The following ZNF84 variants were observed in gnomAD, a reference collection of about 807,000 sequenced individuals.
The protein encoded by ZNF84 is zinc finger protein HPF2.
A neutral mutation model predicts 14.8 loss-of-function variants in ZNF84; 12 were observed. That is an observed-to-expected ratio of 0.81 (90% CI 0.52 to 1.31). The LOEUF (loss-of-function observed/expected upper bound fraction) is 1.31, where lower values mean the gene tolerates loss of function less well. ZNF84 is among the 50% of genes most tolerant of loss of function. The pLI is 0.00. For synonymous variants in ZNF84, 347 were observed against 291.1 expected (o/e 1.19, Z -1.96); for missense variants, 859 against 878.6 (o/e 0.98, Z 0.28).
chr12:133,040,690 C>T (rs1404035389), intron 1 of ZNF84: 5 of 151,552 alleles, frequency 3.3e-5, no homozygotes, highest in African/African-American at 1.2e-4. Flanking sequence ...TTTTTTAAAA[C>T]CCCTATTTAA....
chr12:133,047,090 C>T (rs1953995932), intron 2 of ZNF84, among the ~76,000 whole-genome samples: 1 of 151,332 alleles, frequency 6.6e-6, no homozygotes, highest in African/African-American at 2.4e-5. Flanking sequence ...TGTGAGCCAC[C>T]TTGCCTATCC....
intron 3 of ZNF84, 120 bp from the exon 4 acceptor site, chr12:133,048,633 A>G: frequency 4.6e-6 from 3 of 645,516 alleles, no homozygotes; most frequent in African/African-American, 1.8e-5. Context: ...TTTGAGAATT[A>G]CTTACTCTGT....
chr12:133,054,674 CAT>C lies in ZNF84; in HGVS notation c.239-2278_239-2277del, dbSNP rs758968582. The stretch of plus-strand genomic sequence containing the variant: ...TTAACTTGATTTAATCATTTTACAA[CAT>C]AAACATATATCAAAATATTACACTG... On this transcript the variant is annotated intron_variant, in intron 4 of 4. Transcript: ENST00000539354. Among the ~76,000 whole-genome samples, 294 of 148,070 alleles carry C rather than the reference CAT, an allele frequency of 2.0e-3. 1 individual carries two copies. Among genetic ancestry groups the C allele is most frequent in the Admixed American group, 8.0e-3 (118 of 14,690 alleles).
chr12:133,061,709 G>A lies in ZNF84; in HGVS notation c.*2777G>A, dbSNP rs1954267777. On this transcript the variant is annotated 3_prime_UTR_variant, in exon 5 of 5. Transcript: ENST00000539354. ...GTTAAACCTGATACTTCCTACACTA[G>A]ATAATGGAACTTCAACATTAGCCTA... The A allele has an allele frequency of 6.6e-6, 1 of 152,068 alleles. No homozygotes were observed. Among genetic ancestry groups the A allele is most frequent in the Admixed American group, 6.6e-5 (1 of 15,264 alleles). The allele number at this position is 152,068 out of a possible 1,614,324, so 9.4% of individuals were successfully genotyped here.
rs1954263265 is a variant in ZNF84 at position 133,061,482 on chromosome 12, A to C, written c.*2550A>C. On this transcript the variant is annotated 3_prime_UTR_variant, in exon 5 of 5. Transcript: ENST00000539354. ...TCTGTCAAAAAAAGAAAAGAAAAAGAACTTCCTACTTTTTAATATCTCAAA... is the reference window on the plus strand; with the variant it reads ...TCTGTCAAAAAAAGAAAAGAAAAAGCACTTCCTACTTTTTAATATCTCAAA... The C allele has an allele frequency of 6.6e-6, 1 of 152,172 alleles. No individual in the cohort carries two copies. Among genetic ancestry groups the C allele is most frequent in the African/African-American group, 2.4e-5 (1 of 41,450 alleles). The allele number at this position is 152,172 out of a possible 1,614,324, so 9.4% of individuals were successfully genotyped here.
intron 4 of ZNF84, among the ~76,000 whole-genome samples, chr12:133,051,202 C>T (rs1270556602): frequency 6.6e-6 from 1 of 151,818 alleles, no homozygotes; most frequent in African/African-American, 2.4e-5. Flanking sequence ...GAGATCCACT[C>T]ACCTAGTGGG....
Position 133,057,066 on chromosome 12 carries a change from C to A in ZNF84, c.351C>A (p.Asn117Lys). The A allele has an allele frequency of 2.5e-6, 4 of 1,613,384 alleles. No individual in the cohort carries two copies. In the South Asian group the frequency reaches 4.4e-5, roughly 18 times the overall value. The change falls in exon 5 of 5, where the codon AAC (asparagine) becomes AAA (lysine). Residue 117 changes from asparagine (N) to lysine (K), a missense_variant. Transcript: ENST00000539354. ...CATTTGGAAAAAATTTCAATCTGAACATGAACTTTGTTCCTTTAAGGAAAT... is the reference window on the plus strand; with the variant it reads ...CATTTGGAAAAAATTTCAATCTGAAAATGAACTTTGTTCCTTTAAGGAAAT... ...CDAFGKNFNL[N>K]MNFVPLRKSN...
In ZNF84 at chr12:133,057,058, A is replaced by C; in HGVS notation, c.343A>C (p.Asn115His). 3 of 1,613,226 alleles carry C rather than the reference A, an allele frequency of 1.9e-6. No individual in the cohort carries two copies. In the South Asian group the frequency reaches 3.3e-5, roughly 18 times the overall value. Reference sequence around the variant, plus strand: ...ATGTGATGCATTTGGAAAAAATTTCAATCTGAACATGAACTTTGTTCCTTT... The same window carrying C: ...ATGTGATGCATTTGGAAAAAATTTCCATCTGAACATGAACTTTGTTCCTTT... ...HECDAFGKNF[N>H]LNMNFVPLRK... Residue 115 changes from asparagine to histidine, a missense_variant, in exon 5 of 5, where the codon AAT (asparagine) becomes CAT (histidine). Transcript: ENST00000539354.
chr12:133,048,111 C>T, intron 3 of ZNF84, 30 bp downstream of exon 3: 1 of 1,604,274 alleles, frequency 6.2e-7, no homozygotes, highest in African/African-American at 1.3e-5. Flanking sequence ...GGACCTTGGA[C>T]TATGCCCAAT....
intron 4 of ZNF84, among the ~76,000 whole-genome samples, chr12:133,050,745 C>T (rs1291407758): frequency 6.6e-6 from 1 of 152,172 alleles, no homozygotes; most frequent in African/African-American, 2.4e-5. Flanking sequence ...CTACCCCATC[C>T]TACATTTTTC....
intron 1 of ZNF84, chr12:133,038,746 T>G (rs904524210): frequency 6.6e-6 from 1 of 152,238 alleles, no homozygotes; most frequent in Admixed American, 6.5e-5. Flanking sequence ...TCTATTTTTA[T>G]AGTTCTCATT....
At chr12:133,039,875 G>T (rs1953856025) in intron 1 of ZNF84, among the ~76,000 whole-genome samples, 1 of 150,184 alleles carries the variant, frequency 6.7e-6, no homozygotes, top group South Asian at 2.1e-4. Context: ...TTTTGAGATG[G>T]AGTTTCCCTT....
At position 133,048,983 on chromosome 12, in the gene ZNF84, T is replaced by G. The variant is rs1334907323; in HGVS notation, c.238+135T>G. ...TGGTCAGTGACGGGTGGGCTGGTCA[T>G]TGATGGGTTGGCTGGTCAGTGATGG... On this transcript the variant is annotated intron_variant, in intron 4 of 4. Transcript: ENST00000539354. 4.6e-5 allele frequency: 29 copies of G among 632,120 alleles called. 1 individual carries two copies. The Admixed American group carries it at 7.6e-4, about 16-fold the overall frequency. 39.2% of individuals were successfully genotyped at this position (632,120 alleles called of 1,614,324 possible).
chr12:133,060,177 G>C lies in ZNF84; in HGVS notation c.*1245G>C, dbSNP rs971881815. The C allele has an allele frequency of 6.6e-6, 1 of 150,878 alleles. No individual in the cohort carries two copies. Among genetic ancestry groups the C allele is most frequent in the Non-Finnish European group, 1.5e-5 (1 of 68,002 alleles). 9.3% of individuals were successfully genotyped at this position (150,878 alleles called of 1,614,324 possible). A position where few individuals can be genotyped will look rare whatever the true frequency, so the allele number is the denominator to read the frequency against. ...CCAAATGTCACTATTTTAATTTACT[G>C]TGATAAAGTATCATGGATATTTTGT... On this transcript the variant is annotated 3_prime_UTR_variant, in exon 5 of 5. Coordinates refer to ENST00000539354, the MANE Select transcript of ZNF84 (RefSeq NM_001289971.2).
Position 133,058,428 on chromosome 12 carries a change from T to C in ZNF84, c.1713T>C (p.Tyr571=), listed in dbSNP as rs1308737968. ...GAACTCATACTGGAGAAAAACCGTA[T>C]GAATGCAGGGACTGTGAAAAAGCTT... ...HQRTHTGEKP[Y]ECRDCEKAFS... Residue 571 remains tyrosine, a synonymous_variant, in exon 5 of 5, where the codon TAT becomes TAC. Coordinates refer to ENST00000539354, the MANE Select transcript of ZNF84 (RefSeq NM_001289971.2). The C allele has an allele frequency of 1.2e-6, 2 of 1,613,902 alleles. No homozygotes were observed. Among genetic ancestry groups the C allele is most frequent in the African/African-American group, 1.3e-5 (1 of 74,874 alleles).
intron 1 of ZNF84, chr12:133,040,517 A>G (rs1953868265): frequency 6.8e-6 from 1 of 146,170 alleles, no homozygotes; most frequent in Admixed American, 7.1e-5. Context: ...AGTTGCAGTG[A>G]GCTCTGATTG....
intron 4 of ZNF84, 54 bp downstream of exon 4, chr12:133,048,902 GGTCA>G: frequency 1.4e-6 from 2 of 1,453,848 alleles, no homozygotes; most frequent in South Asian, 2.4e-5. Flanking sequence ...CATGTCATCT[GGTCA>G]GTGACGGGTG....
At chr12:133,054,410 T>C (rs1257330986) in intron 4 of ZNF84, among the ~76,000 whole-genome samples, 5 of 152,112 alleles carry the variant, frequency 3.3e-5, no homozygotes, top group East Asian at 1.9e-4. Context: ...AGTTAACTTA[T>C]AATAGTATAA....
chr12:133,056,849 G>A, intron 4 of ZNF84, 105 bp from the exon 5 acceptor site: 2 of 894,464 alleles, frequency 2.2e-6, no homozygotes, highest in South Asian at 3.8e-5. Flanking sequence ...CGGAAACTAA[G>A]CCTTAAAAGC....
Sources: allele counts gnomAD v4.1 joint callset (sites outside exome capture counted in the v4.1 genomes callset), GRCh38; gene constraint gnomAD v4.1.1; transcripts MANE v1.5; gene names NCBI Gene and HGNC (gene_info 2026-07-23, HGNC 2026-07-21).